Variants in CALN1 observed in about 807,000 individuals in gnomAD.
The protein encoded by CALN1 is calcium-binding protein 8.
A neutral mutation model predicts 30.6 loss-of-function variants in CALN1; 17 were observed. The ratio of observed to expected loss-of-function variants is 0.56; its 90% CI spans 0.38 to 0.83. The LOEUF is 0.83. CALN1 is among the 40% of genes least tolerant of loss of function. CALN1 has a pLI of 0.00. For missense variants in CALN1, 291 were observed against 354.9 expected (o/e 0.82, Z 1.45); for synonymous variants, 156 against 131.4 (o/e 1.19, Z -1.28).
In CALN1 at chr7:72,136,941, T is replaced by G. The variant is rs927501051; in HGVS notation, c.245-30647A>C. ...TCACAATAGTAACATCAAAGATCACTGATCACGATGTAAGAATTAAAGAAA... is the reference window on the plus strand; with the variant it reads ...TCACAATAGTAACATCAAAGATCACGGATCACGATGTAAGAATTAAAGAAA... On this transcript the variant is annotated intron_variant, in intron 3 of 6. Transcript: ENST00000395275. Among the ~76,000 whole-genome samples the G allele has an allele frequency of 4.6e-5, 7 of 152,068 alleles. No individual in the cohort carries two copies. In the East Asian group the frequency reaches 1.3e-3, roughly 29 times the overall value.
At chr7:72,472,305 G>A in the CALN1 span, among the ~76,000 whole-genome samples, 1 of 152,160 alleles carries the variant, frequency 6.6e-6, no homozygotes, top group Admixed American at 6.5e-5. Context: ...TGAATGCATG[G>A]TCAATGGAGA....
chr7:72,017,909 C>T (rs934233708), intron 5 of CALN1, among the ~76,000 whole-genome samples: 1 of 152,148 alleles, frequency 6.6e-6, no homozygotes, highest in African/African-American at 2.4e-5. Flanking sequence ...CAGCTCTCCT[C>T]ACCAAGTGTG....
chr7:71,798,785 C>A (rs1787122459), intron 6 of CALN1, among the ~76,000 whole-genome samples: 1 of 151,894 alleles, frequency 6.6e-6, no homozygotes, highest in Non-Finnish European at 1.5e-5. Flanking sequence ...CCATGACCGA[C>A]TAGCTTTTTT....
intron 5 of CALN1, among the ~76,000 whole-genome samples, chr7:71,858,047 T>C (rs1342688229): frequency 6.6e-6 from 1 of 152,190 alleles, no homozygotes; most frequent in African/African-American, 2.4e-5. Flanking sequence ...TTTGGCTGTG[T>C]CCTCACCCAA....
intron 1 of CALN1, among the ~76,000 whole-genome samples, chr7:72,417,967 T>C (rs1807474414): frequency 6.6e-6 from 1 of 152,242 alleles, no homozygotes; most frequent in African/African-American, 2.4e-5. Context: ...TTTTAAAATG[T>C]CCAACTTTAA....
At chr7:72,058,410 C>T (rs997337867) in intron 4 of CALN1, among the ~76,000 whole-genome samples, 23 of 149,384 alleles carry the variant, frequency 1.5e-4, no homozygotes, top group Non-Finnish European at 2.7e-4. Context: ...CTCCACCTCC[C>T]GGGTTCAAGA....
At chr7:72,180,760 G>A (rs1278331038) in intron 3 of CALN1, among the ~76,000 whole-genome samples, 8 of 150,870 alleles carry the variant, frequency 5.3e-5, no homozygotes, top group South Asian at 2.1e-4. Context: ...CACCTACCAC[G>A]CCGGGCTTGT....
intron 5 of CALN1, among the ~76,000 whole-genome samples, chr7:71,851,917 T>C (rs1790671256): frequency 6.6e-6 from 1 of 152,110 alleles, no homozygotes; most frequent in African/African-American, 2.4e-5. Flanking sequence ...AGCTGGCTTT[T>C]TTCCTGAGAG....
intron 3 of CALN1, among the ~76,000 whole-genome samples, chr7:72,152,968 A>C (rs1285892562): frequency 6.6e-6 from 1 of 152,240 alleles, no homozygotes; most frequent in Non-Finnish European, 1.5e-5. Context: ...TTTTGTCAGT[A>C]TCTGAGCTAT....
intron 3 of CALN1, among the ~76,000 whole-genome samples, chr7:72,134,536 TTTGTC>T (rs1321535517): frequency 2.0e-5 from 3 of 152,214 alleles, no homozygotes; most frequent in Non-Finnish European, 4.4e-5. Flanking sequence ...ACATTATACT[TTTGTC>T]TATTAAGTGT....
chr7:71,865,195 G>A (rs1408507597), intron 5 of CALN1, among the ~76,000 whole-genome samples: 1 of 152,188 alleles, frequency 6.6e-6, no homozygotes, highest in African/African-American at 2.4e-5. Flanking sequence ...GTCTGGAGGA[G>A]ATACTTGGAT....
At chr7:72,241,987 C>G (rs1306052574) in intron 3 of CALN1, among the ~76,000 whole-genome samples, 1 of 152,064 alleles carries the variant, frequency 6.6e-6, no homozygotes, top group Non-Finnish European at 1.5e-5. Context: ...TTTCATTATC[C>G]CAAAGTGAAA....
intron 5 of CALN1, among the ~76,000 whole-genome samples, chr7:71,957,531 C>T (rs1259347522): frequency 6.6e-6 from 1 of 152,182 alleles, no homozygotes; most frequent in African/African-American, 2.4e-5. Flanking sequence ...GATCTGTCGC[C>T]TGTACTGATC....
intron 4 of CALN1, among the ~76,000 whole-genome samples, chr7:72,085,446 C>T (rs762015755): frequency 6.6e-6 from 1 of 152,006 alleles, no homozygotes; most frequent in Non-Finnish European, 1.5e-5. Context: ...TTATTGTAAT[C>T]TCTTACTGCA....
intron 4 of CALN1, among the ~76,000 whole-genome samples, chr7:72,044,283 C>T (rs755303663): frequency 4.6e-5 from 7 of 152,110 alleles, no homozygotes; most frequent in African/African-American, 2.4e-5. Context: ...AGAGCTGAAG[C>T]CCATTTCTGG....
chr7:72,100,922 C>T (rs184626605), intron 4 of CALN1, among the ~76,000 whole-genome samples: 9 of 151,278 alleles, frequency 5.9e-5, no homozygotes, highest in Non-Finnish European at 1.2e-4. Context: ...TTGCTAATTG[C>T]TAATTCCATT....
intron 5 of CALN1, among the ~76,000 whole-genome samples, chr7:71,977,442 T>TTAAA (rs1449780084): frequency 1.3e-5 from 2 of 151,734 alleles, no homozygotes; most frequent in Admixed American, 6.6e-5. Context: ...TTCAAAATTT[T>TTAAA]TAAATAAATA....
intron 2 of CALN1, among the ~76,000 whole-genome samples, chr7:72,356,749 C>T (rs1042067755): frequency 4.3e-4 from 66 of 151,900 alleles, no homozygotes; most frequent in Middle Eastern, 3.4e-3. Context: ...TAGAAGAACG[C>T]AAATTACAAC....
rs536079061 is a variant in CALN1 at position 72,362,991 on chromosome 7, T to C, written c.119+40260A>G. ...GATATTACTTCATTGCAGGCAATTA[T>C]AGACAAGGTAGAAGCACCTGGTTTT... is the stretch of plus-strand genomic sequence containing the variant. On this transcript the variant is annotated intron_variant, in intron 2 of 6. Coordinates refer to ENST00000395275, the MANE Select transcript of CALN1 (RefSeq NM_031468.4). Among the ~76,000 whole-genome samples the C allele has an allele frequency of 5.3e-5, 8 of 152,364 alleles. No individual in the cohort carries two copies. In the East Asian group the frequency reaches 1.2e-3, roughly 22 times the overall value.
Sources: allele counts gnomAD v4.1 joint callset (sites outside exome capture counted in the v4.1 genomes callset), GRCh38; gene constraint gnomAD v4.1.1; transcripts MANE v1.5; gene names NCBI Gene and HGNC (gene_info 2026-07-23, HGNC 2026-07-21).